Variants in UNC13C observed in about 807,000 individuals in gnomAD.
UNC13C encodes the protein protein unc-13 homolog C.
Under a neutral mutation model 245.4 loss-of-function variants are expected in UNC13C, and 174 were observed. That is an observed-to-expected ratio of 0.71 (90% CI 0.63 to 0.80). The LOEUF (loss-of-function observed/expected upper bound fraction) is 0.80. Among genes scored for constraint, UNC13C ranks in the 30% least tolerant of loss-of-function variants. UNC13C has a pLI of 0.00. For synonymous variants in UNC13C, 992 were observed against 895.1 expected (o/e 1.11, Z -1.93); for missense variants, 2,829 against 2,602.9 (o/e 1.09, Z -1.89).
At chr15:54,051,376 T>C (rs1188328107) in intron 2 of UNC13C, among the ~76,000 whole-genome samples, 2 of 152,150 alleles carry the variant, frequency 1.3e-5, no homozygotes, top group African/African-American at 2.4e-5. Flanking sequence ...TGTACTTTTT[T>C]TATCTGGTGG....
At chr15:54,336,069 C>T (rs1032775835) in intron 16 of UNC13C, among the ~76,000 whole-genome samples, 1 of 151,866 alleles carries the variant, frequency 6.6e-6, no homozygotes, top group South Asian at 2.1e-4. Flanking sequence ...GATTTTCTAT[C>T]TGAATATCTT....
At chr15:54,060,343 T>C (rs547114098) in intron 2 of UNC13C, among the ~76,000 whole-genome samples, 145 of 152,268 alleles carry the variant, frequency 9.5e-4, no homozygotes, top group African/African-American at 3.4e-3. Flanking sequence ...AAGACATTTA[T>C]GCAGCCAACA....
intron 17 of UNC13C, among the ~76,000 whole-genome samples, chr15:54,362,753 TG>T (rs1294453777): frequency 6.6e-6 from 1 of 152,144 alleles, no homozygotes; most frequent in Non-Finnish European, 1.5e-5. Context: ...ACTCATCTAC[TG>T]CATGACTCAG....
the UNC13C span, chr15:53,947,712 G>T: frequency 6.6e-6 from 1 of 152,176 alleles, no homozygotes; most frequent in Non-Finnish European, 1.5e-5. Flanking sequence ...TCCATCAGAG[G>T]CTCTCATTGA....
At chr15:54,412,624 A>G (rs2040439028) in intron 18 of UNC13C, among the ~76,000 whole-genome samples, 1 of 152,186 alleles carries the variant, frequency 6.6e-6, no homozygotes, top group Non-Finnish European at 1.5e-5. Context: ...AAAATACATG[A>G]TTTTATATTC....
chr15:53,953,117 C>T, the UNC13C span, among the ~76,000 whole-genome samples: 2,388 of 152,266 alleles, frequency 0.016, 64 homozygotes, highest in African/African-American at 0.055. Flanking sequence ...TTATATCATG[C>T]TTCAGACTTT....
intron 19 of UNC13C, among the ~76,000 whole-genome samples, chr15:54,482,787 C>T (rs980352456): frequency 4.6e-5 from 7 of 152,210 alleles, no homozygotes; most frequent in Non-Finnish European, 7.4e-5. Context: ...ATGGGAAAAG[C>T]AGTGTATATT....
intron 10 of UNC13C, among the ~76,000 whole-genome samples, chr15:54,272,864 T>C (rs1596122923): frequency 6.6e-6 from 1 of 152,114 alleles, no homozygotes; most frequent in East Asian, 1.9e-4. Flanking sequence ...AATATAAACT[T>C]AGGGTCACCA....
Position 54,438,526 on chromosome 15 carries a change from A to T in UNC13C, c.4933+23459A>T, listed in dbSNP as rs114020381. On this transcript the variant is annotated intron_variant, in intron 19 of 32. Transcript: ENST00000260323. ...GAGTCCTCTTTCTTAGTTCCTGGTT[A>T]CATATAACTAGAATCTTCTTCCAGT... Among the ~76,000 whole-genome samples, 1,195 of 152,112 alleles carry T rather than the reference A, an allele frequency of 7.9e-3. 8 individuals are homozygous for T. Among genetic ancestry groups the T allele is most frequent in the African/African-American group, 0.027 (1,132 of 41,544 alleles).
chr15:54,447,808 TC>T (rs1481153724), intron 19 of UNC13C, among the ~76,000 whole-genome samples: 1 of 152,212 alleles, frequency 6.6e-6, no homozygotes, highest in African/African-American at 2.4e-5. Context: ...TTTCTTGCCT[TC>T]TGCTAGCTTT....
At chr15:53,874,964 T>TGG in the UNC13C span, among the ~76,000 whole-genome samples, 6 of 152,028 alleles carry the variant, frequency 3.9e-5, no homozygotes, top group East Asian at 5.8e-4. Flanking sequence ...TGTGGTGGCA[T>TGG]GCACCTGAAT....
At chr15:54,261,893 G>A (rs980141787) in intron 8 of UNC13C, among the ~76,000 whole-genome samples, 1 of 152,090 alleles carries the variant, frequency 6.6e-6, no homozygotes, top group Non-Finnish European at 1.5e-5. Context: ...AAATAACAGA[G>A]AAAATGCTTA....
intron 1 of UNC13C, among the ~76,000 whole-genome samples, chr15:53,990,839 G>A (rs1894354846): frequency 6.6e-6 from 1 of 152,010 alleles, no homozygotes; most frequent in African/African-American, 2.4e-5. Flanking sequence ...CTCCTGCCAA[G>A]TCTAAAGTGG....
At chr15:54,071,530 C>G (rs1898325830) in intron 2 of UNC13C, among the ~76,000 whole-genome samples, 1 of 152,058 alleles carries the variant, frequency 6.6e-6, no homozygotes, top group Admixed American at 6.6e-5. Context: ...AAATGAGACT[C>G]CATATGATCA....
intron 19 of UNC13C, among the ~76,000 whole-genome samples, chr15:54,454,647 A>G (rs1326674240): frequency 1.3e-5 from 2 of 151,216 alleles, no homozygotes; most frequent in South Asian, 2.1e-4. Flanking sequence ...TTCTTTCTCT[A>G]TACATTTACC....
intron 2 of UNC13C, among the ~76,000 whole-genome samples, chr15:54,037,812 T>C (rs1896634357): frequency 1.3e-5 from 2 of 151,860 alleles, no homozygotes; most frequent in Non-Finnish European, 1.5e-5. Flanking sequence ...AGTACATTCA[T>C]TTGGGCAGTT....
In UNC13C at chr15:54,129,066, C is replaced by T. The variant is rs542417953; in HGVS notation, c.2984-13952C>T. ...GTCCCAAGATCAATAGCTAATCTACCGTCTTCTCTCCAATTTTCAGAGTTT... is the reference window on the plus strand; with the variant it reads ...GTCCCAAGATCAATAGCTAATCTACTGTCTTCTCTCCAATTTTCAGAGTTT... On this transcript the variant is annotated intron_variant, in intron 2 of 32. Coordinates refer to ENST00000260323, the MANE Select transcript of UNC13C (RefSeq NM_001080534.3). Among the ~76,000 whole-genome samples the T allele has an allele frequency of 3.2e-4, 49 of 152,288 alleles. 1 individual carries two copies. Among genetic ancestry groups the T allele is most frequent in the Middle Eastern group, 3.4e-3 (1 of 294 alleles).
chr15:54,345,698 C>G (rs374733871), intron 17 of UNC13C, among the ~76,000 whole-genome samples: 2 of 152,288 alleles, frequency 1.3e-5, no homozygotes, highest in African/African-American at 4.8e-5. Flanking sequence ...CCTGCCACCC[C>G]ACTATATATT....
chr15:54,522,422 G>C (rs1414379333), intron 24 of UNC13C, among the ~76,000 whole-genome samples: 1 of 152,066 alleles, frequency 6.6e-6, no homozygotes, highest in Non-Finnish European at 1.5e-5. Flanking sequence ...AGGTTGCAGT[G>C]AGCCAAGATC....
Sources: gnomAD v4.1 joint callset for allele counts (sites outside exome capture counted in the v4.1 genomes callset) on GRCh38, gnomAD v4.1.1 for gene constraint, MANE v1.5 for transcripts, NCBI Gene and HGNC (gene_info 2026-07-23, HGNC 2026-07-21) for gene names.